The following NEGR1 variants were observed in gnomAD, a reference collection of about 807,000 sequenced individuals.
NEGR1 encodes IgLON family member 4.
A neutral mutation model predicts 40.9 loss-of-function variants in NEGR1; 10 were observed. That is an observed-to-expected ratio of 0.24 (90% CI 0.15 to 0.42). The LOEUF is 0.42. Among genes scored for constraint, NEGR1 ranks in the 10% least tolerant of loss-of-function variants. The pLI is 1.00. For missense variants in NEGR1, 352 were observed against 438.9 expected (o/e 0.80, Z 1.77); for synonymous variants, 185 against 166.8 (o/e 1.11, Z -0.84).
intron 2 of NEGR1, among the ~76,000 whole-genome samples, chr1:71,927,674 C>T (rs1645787526): frequency 6.6e-6 from 1 of 151,256 alleles, no homozygotes; most frequent in South Asian, 2.1e-4. Context: ...GGATAAAGTA[C>T]CTGGGGAATA....
intron 1 of NEGR1, among the ~76,000 whole-genome samples, chr1:72,010,039 AG>A: frequency 6.6e-6 from 1 of 152,322 alleles, no homozygotes; most frequent in Non-Finnish European, 1.5e-5. Flanking sequence ...ACTGGCAAAA[AG>A]GAGATTTAAA....
intron 1 of NEGR1, among the ~76,000 whole-genome samples, chr1:71,984,965 A>G (rs1055177080): frequency 1.3e-5 from 2 of 152,172 alleles, no homozygotes; most frequent in African/African-American, 4.8e-5. Flanking sequence ...CCTAACAACC[A>G]TAGGAAATAA....
At chr1:71,720,490 G>T (rs1570256523) in intron 3 of NEGR1, among the ~76,000 whole-genome samples, 1 of 152,120 alleles carries the variant, frequency 6.6e-6, no homozygotes, top group Non-Finnish European at 1.5e-5. Flanking sequence ...TATTCTTTCA[G>T]TTGAAGGCAT....
In NEGR1 at chr1:71,922,179, G is replaced by A. The variant is rs531251210; in HGVS notation, c.409+12900C>T. ...CAATAGGAGGATGGGCTGTCCAGCTGAACCTGGAGCCAAGGAAATAAAAGG... is the reference window on the plus strand; with the variant it reads ...CAATAGGAGGATGGGCTGTCCAGCTAAACCTGGAGCCAAGGAAATAAAAGG... On this transcript the variant is annotated intron_variant, in intron 2 of 6. Transcript: ENST00000357731. Among the ~76,000 whole-genome samples, 4 of 152,274 alleles carry A rather than the reference G, an allele frequency of 2.6e-5. No individual in the cohort carries two copies. In the South Asian group the frequency reaches 8.3e-4, roughly 32 times the overall value.
At chr1:71,859,048 T>C (rs972880659) in intron 2 of NEGR1, among the ~76,000 whole-genome samples, 2 of 152,062 alleles carry the variant, frequency 1.3e-5, no homozygotes, top group Admixed American at 6.6e-5. Context: ...TCCTGTTAAA[T>C]CATATGTCCT....
chr1:71,813,514 T>A (rs1658081548), intron 2 of NEGR1, among the ~76,000 whole-genome samples: 1 of 152,130 alleles, frequency 6.6e-6, no homozygotes. Context: ...ATCTATAAAT[T>A]CTTTTGGAAA....
At chr1:71,777,954 A>T (rs1656568625) in intron 2 of NEGR1, among the ~76,000 whole-genome samples, 1 of 152,056 alleles carries the variant, frequency 6.6e-6, no homozygotes, top group African/African-American at 2.4e-5. Flanking sequence ...TTTTAAAACC[A>T]TCCCAAACAG....
At chr1:72,114,168 T>A (rs193111099) in intron 1 of NEGR1, among the ~76,000 whole-genome samples, 166 of 148,552 alleles carry the variant, frequency 1.1e-3, no homozygotes, top group Middle Eastern at 3.4e-3. Context: ...TCTGAGGGTA[T>A]TTTTTTTTAG....
intron 4 of NEGR1, among the ~76,000 whole-genome samples, chr1:71,660,825 T>C (rs529913017): frequency 1.3e-5 from 2 of 152,306 alleles, no homozygotes; most frequent in East Asian, 3.9e-4. Context: ...ACATTAGGTA[T>C]TTCTCCTAAT....
chr1:71,466,380 A>G (rs1646745992), intron 6 of NEGR1, among the ~76,000 whole-genome samples: 1 of 152,090 alleles, frequency 6.6e-6, no homozygotes, highest in African/African-American at 2.4e-5. Context: ...CTGGACAGGC[A>G]TTTACTTAAC....
intron 4 of NEGR1, among the ~76,000 whole-genome samples, chr1:71,627,940 A>G (rs954093761): frequency 6.6e-6 from 1 of 152,034 alleles, no homozygotes; most frequent in African/African-American, 2.4e-5. Flanking sequence ...GTGAAAACCA[A>G]AATGACAGCA....
At chr1:71,423,909 A>G (rs898581491) in intron 6 of NEGR1, among the ~76,000 whole-genome samples, 1 of 150,924 alleles carries the variant, frequency 6.6e-6, no homozygotes, top group Non-Finnish European at 1.5e-5. Flanking sequence ...ATACTGCAGC[A>G]CTGTGAGCCG....
chr1:71,664,074 G>T (rs771814453), intron 4 of NEGR1, among the ~76,000 whole-genome samples: 3 of 152,158 alleles, frequency 2.0e-5, no homozygotes, highest in African/African-American at 4.8e-5. Flanking sequence ...TCTCTCTCAA[G>T]TATAGCTGAC....
At chr1:71,736,646 A>C (rs925571874) in intron 3 of NEGR1, among the ~76,000 whole-genome samples, 1 of 152,166 alleles carries the variant, frequency 6.6e-6, no homozygotes, top group African/African-American at 2.4e-5. Flanking sequence ...GCCTTCAGGA[A>C]ATAGTTTGAA....
intron 4 of NEGR1, among the ~76,000 whole-genome samples, chr1:71,619,296 C>T (rs1293967723): frequency 6.6e-6 from 1 of 152,028 alleles, no homozygotes; most frequent in Non-Finnish European, 1.5e-5. Context: ...TGATTGCTTC[C>T]AGAGCCTATT....
intron 3 of NEGR1, among the ~76,000 whole-genome samples, chr1:71,757,167 C>A (rs775129135): frequency 6.6e-6 from 1 of 152,048 alleles, no homozygotes; most frequent in Non-Finnish European, 1.5e-5. Flanking sequence ...TTCACCATTT[C>A]ATGAGATATT....
chr1:72,149,068 C>A (rs531170353), intron 1 of NEGR1, among the ~76,000 whole-genome samples: 1 of 152,164 alleles, frequency 6.6e-6, no homozygotes, highest in South Asian at 2.1e-4. Flanking sequence ...AAAGACATAC[C>A]AATAACTGGG....
chr1:71,560,194 G>T (rs1161473882), intron 6 of NEGR1, among the ~76,000 whole-genome samples: 14 of 151,180 alleles, frequency 9.3e-5, no homozygotes, highest in Middle Eastern at 3.4e-3. Context: ...AGATATTAAA[G>T]ACATCTATTC....
At chr1:71,563,088 A>C (rs775620366) in intron 6 of NEGR1, among the ~76,000 whole-genome samples, 3 of 152,040 alleles carry the variant, frequency 2.0e-5, no homozygotes, top group Non-Finnish European at 4.4e-5. Context: ...AAGTAAGTGA[A>C]TATTTGTGAA....
Sources: allele counts gnomAD v4.1 joint callset (sites outside exome capture counted in the v4.1 genomes callset), GRCh38; gene constraint gnomAD v4.1.1; transcripts MANE v1.5; gene names NCBI Gene and HGNC (gene_info 2026-07-23, HGNC 2026-07-21).